Variants in THOC1 observed in about 807,000 individuals in gnomAD.
The protein encoded by THOC1 is THO complex 1.
THOC1 carries 29 observed loss-of-function variants against 97.3 expected under a neutral mutation model. The ratio of observed to expected loss-of-function variants is 0.30; its 90% CI spans 0.22 to 0.41. THOC1 has a LOEUF of 0.41. Among genes scored for constraint, THOC1 ranks in the 10% least tolerant of loss-of-function variants. The pLI is 1.00. For synonymous variants in THOC1, 255 were observed against 257.0 expected, an observed-to-expected ratio of 0.99 and a Z score of 0.07; for missense variants, 529 against 761.9, an observed-to-expected ratio of 0.69 and a Z score of 3.60.
At chr18:219,936 CTTGAAT>C (rs1170915534) in intron 17 of THOC1, among the ~76,000 whole-genome samples, 1 of 152,046 alleles carries the variant, frequency 6.6e-6, no homozygotes, top group Admixed American at 6.6e-5. Flanking sequence ...ATGCATCTTT[CTTGAAT>C]TTGTTTTTAG....
intron 10 of THOC1, among the ~76,000 whole-genome samples, chr18:246,677 A>G (rs115850020): frequency 0.031 from 4,721 of 152,160 alleles, 233 homozygotes; most frequent in African/African-American, 0.11. Context: ...CCCTACTCCT[A>G]AAGAAATATA....
rs1912148543 is a variant in THOC1 at position 247,946 on chromosome 18, A to G, written c.689T>C (p.Ile230Thr). Residue 230 changes from isoleucine to threonine, a missense_variant, in exon 10 of 21, where the codon ATT becomes ACT. By Grantham distance (89) the Ile-to-Thr change is moderately conservative. Transcript: ENST00000261600. ...GAATTTTCGATACAGGTTGTAATCA[A>G]TTGGAATAGAGCTAATAAAATAAAC... ...EEAPTTCSIP[I>T]DYNLYRKFWS... 1.3e-6 allele frequency: 2 copies of G among 1,581,336 alleles called. No individual in the cohort carries two copies. Among genetic ancestry groups the G allele is most frequent in the South Asian group, 1.1e-5 (1 of 87,600 alleles).
At chr18:267,844 G>A (rs1912830290) in intron 1 of THOC1, 122 bp downstream of exon 1, 9 of 1,027,666 alleles carry the variant, frequency 8.8e-6, no homozygotes, top group African/African-American at 3.3e-5. Context: ...GGCCCGGAGC[G>A]GACGCTGAGG....
At chr18:267,692 T>C (rs961309468) in intron 1 of THOC1, among the ~76,000 whole-genome samples, 16 of 152,270 alleles carry the variant, frequency 1.1e-4, no homozygotes, top group Admixed American at 3.3e-4. Flanking sequence ...AGCAGTAGTC[T>C]GCAGGTGGGC....
chr18:260,011 T>C (rs1367045063), intron 5 of THOC1, 175 bp downstream of exon 5: 2 of 529,914 alleles, frequency 3.8e-6, no homozygotes, highest in Non-Finnish European at 6.5e-6. Context: ...CAAGTTTTTC[T>C]CCACACATGG....
chr18:245,037 A>C (rs1912041914), intron 11 of THOC1: 1 of 152,094 alleles, frequency 6.6e-6, no homozygotes, highest in African/African-American at 2.4e-5. Flanking sequence ...CGACTGTCCT[A>C]CTTCATTTCA....
chr18:217,154 TG>T (rs1229621937), intron 18 of THOC1, among the ~76,000 whole-genome samples: 1 of 152,258 alleles, frequency 6.6e-6, no homozygotes, highest in Non-Finnish European at 1.5e-5. Context: ...AGTTTTGGAT[TG>T]GAAGTCTCTT....
chr18:249,909 G>A (rs1223196163), intron 9 of THOC1, among the ~76,000 whole-genome samples: 1 of 152,138 alleles, frequency 6.6e-6, no homozygotes, highest in Non-Finnish European at 1.5e-5. Context: ...AATGTACCAG[G>A]AAAGTTTGTC....
At chr18:261,604 A>G (rs1349317087) in intron 4 of THOC1, among the ~76,000 whole-genome samples, 2 of 152,228 alleles carry the variant, frequency 1.3e-5, no homozygotes, top group Non-Finnish European at 2.9e-5. Context: ...CAGGGATGTT[A>G]CAGCAGAGAA....
intron 7 of THOC1, among the ~76,000 whole-genome samples, chr18:257,713 A>G (rs1285004945): frequency 6.6e-6 from 1 of 152,180 alleles, no homozygotes; most frequent in African/African-American, 2.4e-5. Flanking sequence ...CAGACCCACC[A>G]AGACTTATTT....
At chr18:215,555 G>A (rs1910850357) in intron 19 of THOC1, 51 bp from the exon 20 acceptor site, 1 of 1,456,062 alleles carries the variant, frequency 6.9e-7, no homozygotes, top group Non-Finnish European at 9.6e-7. Context: ...TCTGAAGTAA[G>A]GTAACAGGTA....
At chr18:237,174 T>TTTTTG (rs1210673553) in intron 11 of THOC1, among the ~76,000 whole-genome samples, 25 of 151,392 alleles carry the variant, frequency 1.7e-4, no homozygotes, top group Admixed American at 1.5e-3. Flanking sequence ...TTTTTTTTTT[T>TTTTTG]TTTGAGACAG....
chr18:254,212 C>T lies in THOC1; in HGVS notation c.603+61G>A. Reference sequence around the variant, plus strand: ...CAAGTGTGAGCCACTGTGCCTGGACCCACTATCTTAATAACAAACTTGCAA... The same window carrying T: ...CAAGTGTGAGCCACTGTGCCTGGACTCACTATCTTAATAACAAACTTGCAA... On this transcript the variant is annotated intron_variant, in intron 8 of 20. Transcript: ENST00000261600. The surrounding 1 kb of genome is among the most constrained non-coding windows in gnomAD (Gnocchi z 4.1). 1 of 1,181,710 alleles carries T rather than the reference C, an allele frequency of 8.5e-7. No individual in the cohort carries two copies. The highest frequency in any genetic ancestry group is 1.2e-6 in the Non-Finnish European group (1 of 811,412). 73.2% of individuals were successfully genotyped at this position (1,181,710 alleles called of 1,614,324 possible).
chr18:247,838 T>C lies in THOC1; in HGVS notation c.786+11A>G, dbSNP rs1049758968. 5.8e-6 allele frequency: 9 copies of C among 1,547,950 alleles called. No individual in the cohort carries two copies. The African/African-American group carries it at 1.1e-4, about 19-fold the overall frequency. On this transcript the variant is annotated intron_variant, in intron 10 of 20. Coordinates refer to ENST00000261600, the MANE Select transcript of THOC1 (RefSeq NM_005131.3). ...TACTGGGCTTCTGATAGTCTGTCAA[T>C]GGCAACTTACCTTGAGAAAAGTTTT...
chr18:246,266 A>G, intron 11 of THOC1, 58 bp downstream of exon 11: 1 of 1,306,796 alleles, frequency 7.7e-7, no homozygotes. Context: ...CTGTCAGCTA[A>G]ACGGAAATAA....
At chr18:267,795 C>G (rs1418029367) in intron 1 of THOC1, among the ~76,000 whole-genome samples, 171 bp downstream of exon 1, 1 of 152,148 alleles carries the variant, frequency 6.6e-6, no homozygotes, top group Non-Finnish European at 1.5e-5. Context: ...AAAGAAGAGG[C>G]GGGTAGTGCG....
rs1396446152 is a variant in THOC1 at position 225,395 on chromosome 18, T to G, written c.1028A>C (p.Tyr343Ser). The G allele has an allele frequency of 2.5e-6, 4 of 1,612,676 alleles. No homozygotes were observed. The highest frequency in any genetic ancestry group is 3.3e-5 in the Admixed American group (2 of 59,734). ...KGQVKFKSSN[Y>S]VLTDEQSLWI... ...AAGTGATTGCTCATCAGTTAAAACA[T>G]AGTTTGAACTAGGGAACAAAGCAAT... Residue 343 changes from tyrosine to serine, a missense_variant, in exon 13 of 21, where the codon TAT (tyrosine) becomes TCT (serine). By Grantham distance (144) the Tyr-to-Ser change is moderately radical. Coordinates refer to ENST00000261600, the MANE Select transcript of THOC1 (RefSeq NM_005131.3).
At chr18:236,768 T>C (rs1911716213) in intron 11 of THOC1, among the ~76,000 whole-genome samples, 1 of 152,190 alleles carries the variant, frequency 6.6e-6, no homozygotes, top group African/African-American at 2.4e-5. Flanking sequence ...AGAGCATCTG[T>C]GTAAATGTGA....
intron 17 of THOC1, among the ~76,000 whole-genome samples, chr18:220,692 G>C (rs1264118295): frequency 1.3e-5 from 2 of 152,172 alleles, no homozygotes; most frequent in African/African-American, 4.8e-5. Flanking sequence ...TTCTACTTCT[G>C]AATCTGACTA....
Sources: allele counts gnomAD v4.1 joint callset (sites outside exome capture counted in the v4.1 genomes callset), GRCh38; gene constraint gnomAD v4.1.1; non-coding constraint Gnocchi (gnomAD v3.1); transcripts MANE v1.5; gene names NCBI Gene and HGNC (gene_info 2026-07-23, HGNC 2026-07-21).